The following RUNDC3B variants were observed in gnomAD, a reference collection of about 807,000 sequenced individuals.
RUNDC3B encodes the protein RUN domain containing 3B, also known as RUN domain-containing protein 3B.
In RUNDC3B, 33 loss-of-function variants were observed where a neutral mutation model predicts 58.4. The observed-to-expected ratio is 0.56, with a 90% CI of 0.43 to 0.75. RUNDC3B has a LOEUF of 0.75. Among genes scored for constraint, RUNDC3B ranks in the 30% least tolerant of loss-of-function variants. RUNDC3B has a pLI of 0.00. For missense variants in RUNDC3B, 501 were observed against 535.7 expected, an observed-to-expected ratio of 0.94 and a Z score of 0.64; for synonymous variants, 193 against 195.2, an observed-to-expected ratio of 0.99 and a Z score of 0.10.
chr7:87,742,123 A>G (rs1832360292), intron 6 of RUNDC3B, among the ~76,000 whole-genome samples: 1 of 152,230 alleles, frequency 6.6e-6, no homozygotes, highest in Admixed American at 6.5e-5. Flanking sequence ...TCTCATCAGC[A>G]TTAAATAATA....
At chr7:87,648,184 CAAAAAAAAAAA>C (rs138383809) in intron 1 of RUNDC3B, among the ~76,000 whole-genome samples, 145 of 65,482 alleles carry the variant, frequency 2.2e-3, no homozygotes, top group African/African-American at 7.8e-3. Context: ...GACTCTGTCT[CAAAAAAAAAAA>C]AAAAAAGAAA....
chr7:87,772,549 G>A (rs1389116128), intron 7 of RUNDC3B, among the ~76,000 whole-genome samples: 2 of 152,128 alleles, frequency 1.3e-5, no homozygotes, highest in African/African-American at 4.8e-5. Flanking sequence ...TAGTGAAGGT[G>A]GTTAGAGACA....
chr7:87,707,322 G>A (rs760224731), intron 3 of RUNDC3B, among the ~76,000 whole-genome samples: 39 of 152,000 alleles, frequency 2.6e-4, no homozygotes, highest in Non-Finnish European at 5.1e-4. Flanking sequence ...TCAAGAAAAT[G>A]GAAATAAATA....
chr7:87,700,684 T>A (rs1423399671), intron 3 of RUNDC3B, 130 bp downstream of exon 3: 2 of 790,978 alleles, frequency 2.5e-6, no homozygotes, highest in East Asian at 2.6e-5. Context: ...CGTCCTGTTC[T>A]GTGATGTTTC....
At chr7:87,630,746 T>C (rs138881246) in intron 1 of RUNDC3B, among the ~76,000 whole-genome samples, 1 of 152,076 alleles carries the variant, frequency 6.6e-6, no homozygotes, top group East Asian at 1.9e-4. Flanking sequence ...AAAATATTTA[T>C]TGAATGAATA....
chr7:87,822,708 A>AT (rs1481021967), intron 10 of RUNDC3B, among the ~76,000 whole-genome samples: 6 of 152,378 alleles, frequency 3.9e-5, no homozygotes, highest in African/African-American at 1.4e-4. Flanking sequence ...CTATGCAGCC[A>AT]TAAAAAATTG....
At chr7:87,685,004 A>C (rs1827318030) in intron 2 of RUNDC3B, among the ~76,000 whole-genome samples, 1 of 152,136 alleles carries the variant, frequency 6.6e-6, no homozygotes, top group South Asian at 2.1e-4. Context: ...ACTCTTAAAA[A>C]TGTAGAATAT....
intron 5 of RUNDC3B, among the ~76,000 whole-genome samples, chr7:87,740,120 T>C (rs972347360): frequency 2.6e-5 from 4 of 152,110 alleles, no homozygotes; most frequent in Admixed American, 6.5e-5. Context: ...AAAGAAAACT[T>C]AGACTATATC....
intron 4 of RUNDC3B, among the ~76,000 whole-genome samples, chr7:87,718,349 C>T (rs1830681542): frequency 6.6e-6 from 1 of 152,054 alleles, no homozygotes; most frequent in Admixed American, 6.6e-5. Context: ...TCAGGAGGCA[C>T]CTTCTGCCTA....
chr7:87,757,684 C>A (rs1215195538), intron 6 of RUNDC3B, among the ~76,000 whole-genome samples: 1 of 152,028 alleles, frequency 6.6e-6, no homozygotes, highest in African/African-American at 2.4e-5. Context: ...TGTGGAACCA[C>A]AAAAGACCCA....
chr7:87,681,657 G>C (rs1826942488), intron 2 of RUNDC3B, among the ~76,000 whole-genome samples: 1 of 150,472 alleles, frequency 6.6e-6, no homozygotes, highest in South Asian at 2.1e-4. Flanking sequence ...CCTCAATATT[G>C]ATGGCTGCTG....
rs73706915 is a variant in RUNDC3B, at chr7:87,760,135, C to T, written c.630-10446C>T. ...CTTACTGATTCATAACATCAATTAC[C>T]ATAACTATAACTACAATGCCCACAC... is the stretch of plus-strand genomic sequence containing the variant. On this transcript the variant is annotated intron_variant, in intron 6 of 10. Coordinates refer to ENST00000394654, the MANE Select transcript of RUNDC3B (RefSeq NM_001134405.2). Among the ~76,000 whole-genome samples, 1,193 of 151,406 alleles carry T rather than the reference C, an allele frequency of 7.9e-3. 22 individuals carry two copies. Among genetic ancestry groups the T allele is most frequent in the African/African-American group, 0.027 (1,129 of 41,312 alleles).
At chr7:87,690,422 G>A (rs1400461775) in intron 2 of RUNDC3B, among the ~76,000 whole-genome samples, 1 of 152,080 alleles carries the variant, frequency 6.6e-6, no homozygotes, top group African/African-American at 2.4e-5. Context: ...TAGGTACTCA[G>A]TATTTTAAAA....
intron 2 of RUNDC3B, among the ~76,000 whole-genome samples, chr7:87,671,055 T>A (rs1443945930): frequency 6.6e-6 from 1 of 152,168 alleles, no homozygotes; most frequent in South Asian, 2.1e-4. Flanking sequence ...TTTGCTTGTT[T>A]CCTGGGGGCT....
At chr7:87,736,654 A>C (rs1831949045) in intron 4 of RUNDC3B, among the ~76,000 whole-genome samples, 1 of 150,948 alleles carries the variant, frequency 6.6e-6, no homozygotes, top group Non-Finnish European at 1.5e-5. Flanking sequence ...CTATATTTAA[A>C]GGTATAGTCT....
intron 10 of RUNDC3B, among the ~76,000 whole-genome samples, chr7:87,827,306 G>T (rs1170241604): frequency 6.6e-6 from 1 of 152,038 alleles, no homozygotes; most frequent in Non-Finnish European, 1.5e-5. Flanking sequence ...TGACCAACAT[G>T]GTGAAACACT....
At chr7:87,755,720 T>C (rs931639955) in intron 6 of RUNDC3B, among the ~76,000 whole-genome samples, 12 of 152,172 alleles carry the variant, frequency 7.9e-5, no homozygotes, top group African/African-American at 2.9e-4. Context: ...AGAACATTCT[T>C]CAAAATAATA....
At chr7:87,648,007 A>T (rs917541276) in intron 1 of RUNDC3B, among the ~76,000 whole-genome samples, 1 of 150,998 alleles carries the variant, frequency 6.6e-6, no homozygotes, top group Non-Finnish European at 1.5e-5. Flanking sequence ...ACATGGTGAA[A>T]CCCCGCCTCT....
At chr7:87,724,717 T>C (rs1831111788) in intron 4 of RUNDC3B, among the ~76,000 whole-genome samples, 1 of 152,090 alleles carries the variant, frequency 6.6e-6, no homozygotes, top group Non-Finnish European at 1.5e-5. Flanking sequence ...CCATTTTCAT[T>C]TCACTACAGT....
Sources: gnomAD v4.1 joint callset for allele counts (sites outside exome capture counted in the v4.1 genomes callset) on GRCh38, gnomAD v4.1.1 for gene constraint, MANE v1.5 for transcripts, NCBI Gene and HGNC (gene_info 2026-07-23, HGNC 2026-07-21) for gene names.